Variants in PRMT8 observed in about 807,000 individuals in gnomAD.
PRMT8 encodes the protein protein arginine N-methyltransferase 8.
Under a neutral mutation model 47.1 loss-of-function variants are expected in PRMT8, and 7 were observed. That is an observed-to-expected ratio of 0.15 (90% CI 0.08 to 0.28). The LOEUF (loss-of-function observed/expected upper bound fraction) is 0.28. Among genes scored for constraint, PRMT8 ranks in the 10% least tolerant of loss-of-function variants. The pLI, the probability that PRMT8 is intolerant of heterozygous loss-of-function variation, is 1.00. For missense variants in PRMT8, 237 were observed against 505.4 expected (o/e 0.47, Z 5.09); for synonymous variants, 188 against 186.5 (o/e 1.01, Z -0.07).
At chr12:3,471,063 C>T (rs80311640) in intron 1 of PRMT8, among the ~76,000 whole-genome samples, 4 of 152,140 alleles carry the variant, frequency 2.6e-5, no homozygotes, top group South Asian at 4.2e-4. Flanking sequence ...AGTGACGCAG[C>T]GCTCAGAGAA....
chr12:3,512,022 G>A (rs532603584), intron 1 of PRMT8, among the ~76,000 whole-genome samples: 29 of 152,232 alleles, frequency 1.9e-4, no homozygotes, highest in African/African-American at 6.7e-4. Context: ...AGTGTGGGGG[G>A]CAGTGGGAAG....
intron 1 of PRMT8, among the ~76,000 whole-genome samples, chr12:3,497,002 C>G (rs1449483837): frequency 6.6e-6 from 1 of 151,002 alleles, no homozygotes. Context: ...AAACACAACA[C>G]TCCTGTCTCC....
At chr12:3,518,211 A>G (rs1426753668) in intron 1 of PRMT8, among the ~76,000 whole-genome samples, 3 of 152,080 alleles carry the variant, frequency 2.0e-5, no homozygotes, top group African/African-American at 2.4e-5. Context: ...GCTAAACCCA[A>G]TGCTCCCTTA....
chr12:3,592,446 G>A, intron 9 of PRMT8, 94 bp downstream of exon 9: 2 of 1,387,068 alleles, frequency 1.4e-6, no homozygotes, highest in South Asian at 1.4e-5. Flanking sequence ...AGTGTCTCAT[G>A]AACAGTCAGA....
chr12:3,568,882 G>T, intron 5 of PRMT8, 34 bp downstream of exon 5: 4 of 1,612,286 alleles, frequency 2.5e-6, no homozygotes, highest in Non-Finnish European at 3.4e-6. Context: ...CGCGTTGGCC[G>T]GCTGGCTGTC....
intron 1 of PRMT8, among the ~76,000 whole-genome samples, chr12:3,529,034 A>T (rs1162328797): frequency 1.3e-5 from 2 of 152,182 alleles, no homozygotes; most frequent in Non-Finnish European, 2.9e-5. Context: ...AGGCTGTGGT[A>T]GTTTTTTCAC....
In PRMT8 at chr12:3,542,776, G is replaced by A. The variant is rs369664496; in HGVS notation, c.261+1985G>A. Among the ~76,000 whole-genome samples the A allele has an allele frequency of 1.3e-4, 20 of 152,298 alleles. 1 individual carries two copies. Among genetic ancestry groups the A allele is most frequent in the Admixed American group, 4.6e-4 (7 of 15,294 alleles). ...GTTCCTGCTGAGCCACACCTTTGGC[G>A]TTTAGAGTGTGCTCCACTAGGCTAT... On this transcript the variant is annotated intron_variant, in intron 2 of 9. Coordinates refer to ENST00000382622, the MANE Select transcript of PRMT8 (RefSeq NM_019854.5).
chr12:3,488,550 G>T (rs79943315), upstream of PRMT8, among the ~76,000 whole-genome samples: 1,215 of 152,236 alleles, frequency 8.0e-3, 14 homozygotes, highest in African/African-American at 0.027. Context: ...ATCTGTACCT[G>T]TAAAAGCATC....
At position 3,569,594 on chromosome 12, in the gene PRMT8, T is replaced by C. The variant is rs1287731889; in HGVS notation, c.712+30T>C. 1 of 1,587,058 alleles carries C rather than the reference T, an allele frequency of 6.3e-7. No individual in the cohort carries two copies. The highest frequency in any genetic ancestry group is 1.1e-5 in the South Asian group (1 of 90,534). ...GTCCCCTCTTGCTTCTCCGGTGGAC[T>C]TCCACTGCACAATTGGGGTGGGAGG... On this transcript the variant is annotated intron_variant, in intron 6 of 9. Transcript: ENST00000382622. This position sits in a 1 kb window ranked among gnomAD's most constrained non-coding sequence, Gnocchi z 8.2.
intron 1 of PRMT8, among the ~76,000 whole-genome samples, chr12:3,467,616 C>CCAG (rs1479429935): frequency 6.6e-6 from 1 of 152,220 alleles, no homozygotes; most frequent in Non-Finnish European, 1.5e-5. Context: ...GCCTCCAAGA[C>CCAG]CAGCTTAAGG....
chr12:3,455,793 T>C (rs1565412194), intron 1 of PRMT8, among the ~76,000 whole-genome samples: 1 of 152,126 alleles, frequency 6.6e-6, no homozygotes, highest in Non-Finnish European at 1.5e-5. Flanking sequence ...AGGTGGACTT[T>C]ATTTCCATTT....
intron 1 of PRMT8, among the ~76,000 whole-genome samples, chr12:3,424,886 C>T (rs1226171038): frequency 1.3e-5 from 2 of 152,154 alleles, no homozygotes; most frequent in African/African-American, 4.8e-5. Flanking sequence ...AAAATGAGTC[C>T]CGCGATGAGT....
intron 1 of PRMT8, among the ~76,000 whole-genome samples, chr12:3,522,393 C>T (rs995577055): frequency 1.4e-4 from 22 of 152,178 alleles, no homozygotes; most frequent in Middle Eastern, 3.4e-3. Context: ...AGGCCGGGCG[C>T]GGTGGCTCAC....
intron 1 of PRMT8, among the ~76,000 whole-genome samples, chr12:3,477,975 C>T (rs1485883699): frequency 6.6e-6 from 1 of 152,136 alleles, no homozygotes; most frequent in Non-Finnish European, 1.5e-5. Flanking sequence ...CTGGATGTAA[C>T]TGCTGGCTAG....
At chr12:3,464,365 A>C (rs1356374147) in intron 1 of PRMT8, among the ~76,000 whole-genome samples, 1 of 152,174 alleles carries the variant, frequency 6.6e-6, no homozygotes, top group Non-Finnish European at 1.5e-5. Context: ...AAAAAAACAA[A>C]AACCCTGAAA....
intron 1 of PRMT8, among the ~76,000 whole-genome samples, chr12:3,466,377 G>T (rs1309198558): frequency 6.6e-6 from 1 of 152,170 alleles, no homozygotes; most frequent in Non-Finnish European, 1.5e-5. Context: ...ATGTGCTTTT[G>T]TTCAGAACCC....
intron 1 of PRMT8, among the ~76,000 whole-genome samples, chr12:3,518,411 A>T (rs1396115572): frequency 2.8e-5 from 3 of 108,462 alleles, no homozygotes; most frequent in Non-Finnish European, 4.2e-5. Context: ...TTTTTTTTTA[A>T]AAAAAAGGCC....
At chr12:3,396,437 G>T (rs1864249225) in intron 1 of PRMT8, among the ~76,000 whole-genome samples, 1 of 152,098 alleles carries the variant, frequency 6.6e-6, no homozygotes, top group Non-Finnish European at 1.5e-5. Context: ...GCATTTGCTT[G>T]TCTGTAAAGT....
intron 1 of PRMT8, among the ~76,000 whole-genome samples, chr12:3,391,292 A>G (rs1370030522): frequency 2.6e-5 from 4 of 152,210 alleles, no homozygotes; most frequent in Non-Finnish European, 4.4e-5. Flanking sequence ...AGTGCATACA[A>G]CAGAATACAT....
Sources: allele counts gnomAD v4.1 joint callset (sites outside exome capture counted in the v4.1 genomes callset), GRCh38; gene constraint gnomAD v4.1.1; non-coding constraint Gnocchi (gnomAD v3.1); transcripts MANE v1.5; gene names NCBI Gene and HGNC (gene_info 2026-07-23, HGNC 2026-07-21).